The following L3MBTL4 variants were observed in gnomAD, a reference collection of about 807,000 sequenced individuals.
L3MBTL4 encodes the protein L3MBTL histone methyl-lysine binding protein 4.
L3MBTL4 carries 70 observed loss-of-function variants against 84.5 expected under a neutral mutation model. The ratio of observed to expected loss-of-function variants is 0.83; its 90% CI spans 0.68 to 1.01. The LOEUF is 1.01. Among genes scored for constraint, L3MBTL4 ranks in the 50% least tolerant of loss-of-function variants. The probability of loss-of-function intolerance (pLI) is 0.00; values close to 1 mark genes in which losing one functional copy is unlikely to be tolerated. For missense variants in L3MBTL4, 715 were observed against 754.8 expected (o/e 0.95, Z 0.62); for synonymous variants, 274 against 259.8 (o/e 1.05, Z -0.52).
intron 16 of L3MBTL4, among the ~76,000 whole-genome samples, chr18:6,045,945 A>G (rs2056602173): frequency 6.6e-6 from 1 of 152,184 alleles, no homozygotes; most frequent in African/African-American, 2.4e-5. Flanking sequence ...AGAGTTGCAA[A>G]TTGGACAAAG....
chr18:6,178,171 T>C (rs554382530), intron 12 of L3MBTL4, among the ~76,000 whole-genome samples: 2 of 152,280 alleles, frequency 1.3e-5, no homozygotes, highest in East Asian at 3.9e-4. Context: ...AACATTTTCC[T>C]CTTATGTTCA....
intron 14 of L3MBTL4, among the ~76,000 whole-genome samples, chr18:6,102,107 C>T (rs1159938888): frequency 6.6e-6 from 1 of 152,172 alleles, no homozygotes; most frequent in Non-Finnish European, 1.5e-5. Flanking sequence ...TCTACTATAA[C>T]TAAATTTCTT....
At position 6,062,962 on chromosome 18, in the gene L3MBTL4, T is replaced by C. The variant is rs1401995141; in HGVS notation, c.1444+17919A>G. Reference sequence around the variant, plus strand: ...AGTGTAAACTGTACCTAATATGCAGTCAATCTTTTATCCCTTACTCCCCTC... The same window carrying C: ...AGTGTAAACTGTACCTAATATGCAGCCAATCTTTTATCCCTTACTCCCCTC... On this transcript the variant is annotated intron_variant, in intron 16 of 18. Coordinates refer to ENST00000317931, the MANE Select transcript of L3MBTL4 (RefSeq NM_001330559.2). Among the ~76,000 whole-genome samples the C allele has an allele frequency of 7.9e-5, 12 of 151,862 alleles. 1 individual carries two copies. The highest frequency in any genetic ancestry group is 7.9e-4 in the Admixed American group (12 of 15,226).
chr18:6,392,856 G>C (rs2055114471), intron 1 of L3MBTL4, among the ~76,000 whole-genome samples: 2 of 152,172 alleles, frequency 1.3e-5, no homozygotes, highest in Admixed American at 1.3e-4. Context: ...TCATTTATAA[G>C]TGTGAGCTCA....
At chr18:6,008,572 TC>T (rs2054592427) in intron 16 of L3MBTL4, among the ~76,000 whole-genome samples, 1 of 152,134 alleles carries the variant, frequency 6.6e-6, no homozygotes, top group African/African-American at 2.4e-5. Context: ...TTATGTTTCT[TC>T]CTTTTCTTAC....
intron 1 of L3MBTL4, among the ~76,000 whole-genome samples, chr18:6,393,346 C>G (rs1289902022): frequency 2.0e-5 from 3 of 152,172 alleles, no homozygotes; most frequent in Non-Finnish European, 4.4e-5. Flanking sequence ...TGAGTCCAGG[C>G]TCCTGGATTG....
intron 1 of L3MBTL4, among the ~76,000 whole-genome samples, chr18:6,320,950 C>T (rs1204563996): frequency 1.3e-5 from 2 of 151,542 alleles, no homozygotes. Flanking sequence ...ATACTTAAAA[C>T]CAACAAAGGA....
chr18:6,385,453 G>A lies in L3MBTL4; in HGVS notation c.-91+29348C>T, dbSNP rs974877713. On this transcript the variant is annotated intron_variant, in intron 1 of 18. Transcript: ENST00000317931. ...TTAAAATTAAACAAGCTTAACAGAA[G>A]AGGTAAAGATTCCCAACAGTCACTA... Among the ~76,000 whole-genome samples the A allele has an allele frequency of 2.6e-5, 4 of 152,124 alleles. No individual in the cohort carries two copies. The East Asian group carries it at 7.7e-4, about 29-fold the overall frequency.
rs543386360 is a variant in L3MBTL4, at chr18:6,225,732, C to T, written c.785-9897G>A. ...CCAAGGTCGTGCCACTGCACTCCAG[C>T]CTATCTAAAAAAAAAAAAAAAAAAT... On this transcript the variant is annotated intron_variant, in intron 10 of 18. Transcript: ENST00000317931. Among the ~76,000 whole-genome samples, 9 of 146,686 alleles carry T rather than the reference C, an allele frequency of 6.1e-5. No homozygotes were observed. The East Asian group carries it at 1.6e-3, about 26-fold the overall frequency.
At chr18:6,404,497 T>C (rs1004118572) in intron 1 of L3MBTL4, among the ~76,000 whole-genome samples, 30 of 152,290 alleles carry the variant, frequency 2.0e-4, no homozygotes, top group Admixed American at 3.3e-4. Context: ...TTCTTATTTT[T>C]AGTCCGAGAA....
intron 8 of L3MBTL4, 89 bp downstream of exon 8, chr18:6,241,269 A>C (rs1026535958): frequency 2.6e-6 from 2 of 778,606 alleles, no homozygotes; most frequent in African/African-American, 3.5e-5. Context: ...AACTTCTTAA[A>C]GGATTAAAAT....
At chr18:6,368,007 G>T (rs1247749922) in intron 1 of L3MBTL4, among the ~76,000 whole-genome samples, 2 of 152,060 alleles carry the variant, frequency 1.3e-5, no homozygotes, top group African/African-American at 2.4e-5. Flanking sequence ...GGAAGATGTG[G>T]CTGAACACAC....
chr18:6,192,016 AAG>A (rs1448383626), intron 12 of L3MBTL4, among the ~76,000 whole-genome samples: 12 of 131,258 alleles, frequency 9.1e-5, no homozygotes, highest in African/African-American at 5.0e-4. Flanking sequence ...CAAAAAAAAA[AAG>A]AAAGAAAGAA....
At chr18:6,126,185 T>C (rs1482009671) in intron 14 of L3MBTL4, among the ~76,000 whole-genome samples, 1 of 152,224 alleles carries the variant, frequency 6.6e-6, no homozygotes, top group Non-Finnish European at 1.5e-5. Flanking sequence ...ACTTGGATTA[T>C]GGGACTATAA....
At chr18:6,110,890 G>A (rs1387305673) in intron 14 of L3MBTL4, among the ~76,000 whole-genome samples, 7 of 152,212 alleles carry the variant, frequency 4.6e-5, no homozygotes, top group South Asian at 4.2e-4. Context: ...CTGTGTGTTC[G>A]TGGAATTTTG....
At chr18:6,095,244 C>G (rs192998952) in intron 14 of L3MBTL4, among the ~76,000 whole-genome samples, 1 of 152,028 alleles carries the variant, frequency 6.6e-6, no homozygotes, top group Non-Finnish European at 1.5e-5. Flanking sequence ...CAGGCTCACA[C>G]AGTGTAAGCA....
chr18:6,095,573 A>C (rs2058612615), intron 14 of L3MBTL4, among the ~76,000 whole-genome samples: 1 of 152,168 alleles, frequency 6.6e-6, no homozygotes, highest in South Asian at 2.1e-4. Context: ...GACGGTCTCG[A>C]TCTCCTGACC....
chr18:6,215,306 C>G (rs2046277268), intron 11 of L3MBTL4, among the ~76,000 whole-genome samples: 1 of 152,148 alleles, frequency 6.6e-6, no homozygotes, highest in African/African-American at 2.4e-5. Context: ...AGTATTCTAA[C>G]AAATGCTGAA....
intron 15 of L3MBTL4, among the ~76,000 whole-genome samples, chr18:6,084,846 A>G (rs1396480842): frequency 6.6e-6 from 1 of 152,202 alleles, no homozygotes; most frequent in African/African-American, 2.4e-5. Flanking sequence ...GGGCCTCAAT[A>G]CAAATTTTAT....
Sources: allele counts gnomAD v4.1 joint callset (sites outside exome capture counted in the v4.1 genomes callset), GRCh38; gene constraint gnomAD v4.1.1; transcripts MANE v1.5; gene names NCBI Gene and HGNC (gene_info 2026-07-23, HGNC 2026-07-21).